The following PAX2 variants were observed in gnomAD, a reference collection of about 807,000 sequenced individuals.
The protein encoded by PAX2 is paired box 2.
In PAX2, 9 loss-of-function variants were observed where a neutral mutation model predicts 41.7. The ratio of observed to expected loss-of-function variants is 0.22; its 90% CI spans 0.13 to 0.38. The LOEUF (loss-of-function observed/expected upper bound fraction) is 0.38, where lower values mean the gene tolerates loss of function less well. PAX2 is among the 10% of genes least tolerant of loss of function. The probability of loss-of-function intolerance (pLI) is 1.00; values close to 1 mark genes in which losing one functional copy is unlikely to be tolerated. For synonymous variants in PAX2, 221 were observed against 212.7 expected, an observed-to-expected ratio of 1.04 and a Z score of -0.34; for missense variants, 418 against 531.6, an observed-to-expected ratio of 0.79 and a Z score of 2.10.
chr10:100,738,915 C>T (rs1259045906), intron 1 of PAX2, among the ~76,000 whole-genome samples: 1 of 151,970 alleles, frequency 6.6e-6, no homozygotes, highest in Non-Finnish European at 1.5e-5. Flanking sequence ...CCTTGGAGGG[C>T]AGAGGCTGGC....
At position 100,827,616 on chromosome 10, in the gene PAX2, C is replaced by G; in HGVS notation, c.1182C>G (p.His394Gln). ...CTGCTGCCGCTGCCTATGACCGCCA[C>G]TAGTTACCGCGGGGACCACATCAAG... is the stretch of plus-strand genomic sequence containing the variant. ...PAAAAAAYDRH is the reference protein window; with the variant it reads ...PAAAAAAYDRQ Residue 394 changes from histidine to glutamine, a missense_variant, in exon 10 of 10, where the codon CAC (histidine) becomes CAG (glutamine). Transcript: ENST00000355243. This position sits in a 1 kb window ranked among gnomAD's most constrained non-coding sequence, Gnocchi z 8.5. 1 of 1,614,036 alleles carries G rather than the reference C, an allele frequency of 6.2e-7. No homozygotes were observed. The highest frequency in any genetic ancestry group is 8.5e-7 in the Non-Finnish European group (1 of 1,179,924).
chr10:100,777,754 A>G (rs1846451299), intron 3 of PAX2, among the ~76,000 whole-genome samples: 1 of 152,234 alleles, frequency 6.6e-6, no homozygotes, highest in Non-Finnish European at 1.5e-5. Flanking sequence ...TCAATTTGCA[A>G]AATGAGGATA....
chr10:100,776,610 T>C (rs1262214570), intron 3 of PAX2, among the ~76,000 whole-genome samples: 5 of 152,156 alleles, frequency 3.3e-5, no homozygotes, highest in African/African-American at 1.2e-4. Flanking sequence ...TCCCTGACAG[T>C]CTCCTAAATC....
intron 5 of PAX2, among the ~76,000 whole-genome samples, chr10:100,804,923 G>T (rs912515079): frequency 6.6e-6 from 1 of 151,664 alleles, no homozygotes; most frequent in African/African-American, 2.4e-5. Context: ...GTCTTCTTCA[G>T]ATGTGGTCCT....
At chr10:100,740,290 G>A (rs890730480) in intron 1 of PAX2, among the ~76,000 whole-genome samples, 2 of 152,134 alleles carry the variant, frequency 1.3e-5, no homozygotes, top group African/African-American at 4.8e-5. Context: ...TGGGCAGTGA[G>A]GAATTTAACC....
intron 4 of PAX2, among the ~76,000 whole-genome samples, chr10:100,780,460 T>C (rs1461719515): frequency 6.6e-6 from 1 of 152,018 alleles, no homozygotes; most frequent in African/African-American, 2.4e-5. Flanking sequence ...GACCAGCAGG[T>C]AATAGAAATG....
chr10:100,781,168 C>G (rs936276025), intron 4 of PAX2, 78 bp from the exon 5 acceptor site: 2 of 1,466,964 alleles, frequency 1.4e-6, no homozygotes, highest in Admixed American at 1.7e-5. Context: ...TCTCTGCCCC[C>G]CAGCCTTGGG....
intron 5 of PAX2, among the ~76,000 whole-genome samples, chr10:100,804,897 G>A (rs1185189951): frequency 5.0e-4 from 76 of 152,022 alleles, no homozygotes; most frequent in Non-Finnish European, 2.9e-5. Flanking sequence ...AAATACCATT[G>A]AAGCTGCTTC....
chr10:100,749,236 C>T (rs865981806), intron 1 of PAX2: 10 of 989,814 alleles, frequency 1.0e-5, no homozygotes, highest in Admixed American at 6.1e-5. Flanking sequence ...GCACTTATCC[C>T]CTGTCTGTGC....
chr10:100,810,028 G>A (rs1356952058), intron 7 of PAX2, among the ~76,000 whole-genome samples: 1 of 152,176 alleles, frequency 6.6e-6, no homozygotes. Context: ...GCATTGAGGT[G>A]TTATTAAAAT....
At chr10:100,808,751 T>C (rs957454036) in intron 6 of PAX2, among the ~76,000 whole-genome samples, 19 of 152,172 alleles carry the variant, frequency 1.2e-4, no homozygotes, top group Non-Finnish European at 2.6e-4. Flanking sequence ...AGTCATGTCA[T>C]GGTTCCCCCT....
chr10:100,770,934 C>T (rs531755352), intron 3 of PAX2, among the ~76,000 whole-genome samples: 41 of 152,164 alleles, frequency 2.7e-4, no homozygotes, highest in African/African-American at 9.7e-4. Context: ...CCAGCTCTTC[C>T]AAGGATCCCC....
At chr10:100,770,154 G>A (rs58955156) in intron 3 of PAX2, among the ~76,000 whole-genome samples, 16,393 of 152,192 alleles carry the variant, frequency 0.11, 2,607 homozygotes, top group African/African-American at 0.35. Context: ...AGTCACTAGC[G>A]GGCCCTACAT....
At chr10:100,787,423 G>A (rs536837998) in intron 5 of PAX2, among the ~76,000 whole-genome samples, 12 of 152,270 alleles carry the variant, frequency 7.9e-5, no homozygotes, top group African/African-American at 2.6e-4. Context: ...AATTTTGAAG[G>A]TAATTTTCTG....
At chr10:100,749,150 G>A in intron 1 of PAX2, 3 of 985,810 alleles carry the variant, frequency 3.0e-6, no homozygotes, top group South Asian at 4.7e-5. Context: ...ACACAGGAAA[G>A]AGGTAGAAAA....
intron 5 of PAX2, among the ~76,000 whole-genome samples, chr10:100,793,387 TTG>T (rs1429264258): frequency 6.6e-6 from 1 of 152,178 alleles, no homozygotes; most frequent in Non-Finnish European, 1.5e-5. Context: ...CTCCCACAAC[TTG>T]TGTGTTCCCT....
chr10:100,782,225 A>C (rs1187906093), intron 5 of PAX2, among the ~76,000 whole-genome samples: 1 of 152,118 alleles, frequency 6.6e-6, no homozygotes, highest in African/African-American at 2.4e-5. Flanking sequence ...TGGCCTTCAG[A>C]GGATTTTAAA....
upstream of PAX2, among the ~76,000 whole-genome samples, chr10:100,744,120 TGA>T (rs907575269): frequency 4.6e-5 from 7 of 152,178 alleles, no homozygotes; most frequent in Non-Finnish European, 7.3e-5. Context: ...GTAGTTAGGC[TGA>T]GTCAGGCAGG....
chr10:100,808,376 A>G (rs1293023013), intron 6 of PAX2, among the ~76,000 whole-genome samples: 1 of 152,220 alleles, frequency 6.6e-6, no homozygotes, highest in Non-Finnish European at 1.5e-5. Context: ...AACAGACCCG[A>G]AAGAGCAGGA....
Sources: allele counts gnomAD v4.1 joint callset (sites outside exome capture counted in the v4.1 genomes callset), GRCh38; gene constraint gnomAD v4.1.1; non-coding constraint Gnocchi (gnomAD v3.1); transcripts MANE v1.5; gene names NCBI Gene and HGNC (gene_info 2026-07-23, HGNC 2026-07-21).